Variants in EPS8 observed in about 807,000 individuals in gnomAD.
EPS8 encodes EGFR pathway substrate 8, signaling adaptor.
EPS8 carries 42 observed loss-of-function variants against 103.8 expected under a neutral mutation model. That is an observed-to-expected ratio of 0.40 (90% CI 0.32 to 0.52). The LOEUF is 0.52. Among genes scored for constraint, EPS8 ranks in the 20% least tolerant of loss-of-function variants. EPS8 has a pLI of 0.40. For synonymous variants in EPS8, 344 were observed against 344.6 expected (o/e 1.00, Z 0.02); for missense variants, 969 against 1,005.1 (o/e 0.96, Z 0.49).
At chr12:15,653,470 G>A (rs758196430) in intron 13 of EPS8, among the ~76,000 whole-genome samples, 14 of 152,086 alleles carry the variant, frequency 9.2e-5, no homozygotes, top group Admixed American at 5.2e-4. Flanking sequence ...GCTACCCGAA[G>A]TCCATATTCC....
intron 1 of EPS8, among the ~76,000 whole-genome samples, chr12:15,692,932 T>C (rs1419921909): frequency 6.6e-6 from 1 of 152,238 alleles, no homozygotes; most frequent in Non-Finnish European, 1.5e-5. Context: ...TCCATGATAA[T>C]ATTTTTAAGT....
intron 14 of EPS8, among the ~76,000 whole-genome samples, chr12:15,648,069 G>C (rs967535881): frequency 2.0e-5 from 3 of 152,198 alleles, no homozygotes; most frequent in African/African-American, 7.2e-5. Flanking sequence ...CATCTGACAG[G>C]AGATGGAGCT....
At chr12:15,705,315 A>G (rs1176113264) in intron 1 of EPS8, among the ~76,000 whole-genome samples, 2 of 152,254 alleles carry the variant, frequency 1.3e-5, no homozygotes, top group Non-Finnish European at 2.9e-5. Flanking sequence ...AAAATATTCA[A>G]TGATTTGTAA....
At position 15,781,150 on chromosome 12, in the gene EPS8, C is replaced by T. The variant is rs923200310; in HGVS notation, c.-22+8011G>A. ...AAAGATCCTCATTCTTTAAAACAAC[C>T]GTGTTCCATCACCACATACCTCTGG... On this transcript the variant is annotated intron_variant, in intron 1 of 20. Transcript: ENST00000281172. The surrounding 1 kb of genome is among the most constrained non-coding windows in gnomAD (Gnocchi z 4.1). 2.0e-5 allele frequency among the ~76,000 whole-genome samples: 3 copies of T among 152,164 alleles called. No homozygotes were observed. The highest frequency in any genetic ancestry group is 2.1e-4 in the South Asian group (1 of 4,834).
intron 1 of EPS8, among the ~76,000 whole-genome samples, chr12:15,758,063 GAT>G (rs1479239400): frequency 6.6e-6 from 1 of 152,164 alleles, no homozygotes; most frequent in Non-Finnish European, 1.5e-5. Flanking sequence ...CTCACAGTGT[GAT>G]GACTAAGTCC....
At position 15,759,218 on chromosome 12, in the gene EPS8, A is replaced by G. The variant is rs1407719760; in HGVS notation, c.-22+29943T>C. On this transcript the variant is annotated intron_variant, in intron 1 of 20. Transcript: ENST00000281172. The surrounding 1 kb of genome is among the most constrained non-coding windows in gnomAD (Gnocchi z 4.9). ...GCTATAATACACTAAAAATGCCTCA[A>G]AAAACATGTTTTGATTAACTGACTA... 6.6e-6 allele frequency among the ~76,000 whole-genome samples: 1 copy of G among 152,110 alleles called. No homozygotes were observed. The highest frequency in any genetic ancestry group is 1.5e-5 in the Non-Finnish European group (1 of 67,964).
rs552602087 is a variant in EPS8 at position 15,748,408 on chromosome 12, T to C, written c.-22+40753A>G. On this transcript the variant is annotated intron_variant, in intron 1 of 20. Coordinates refer to ENST00000281172, the MANE Select transcript of EPS8 (RefSeq NM_004447.6). The surrounding 1 kb of genome is among the most constrained non-coding windows in gnomAD (Gnocchi z 4.8). ...TGATGAGGATTAGAAAGGAAAGAAT[T>C]ATCCTCAATAATATCAATTTTCTAA... 3.9e-5 allele frequency among the ~76,000 whole-genome samples: 6 copies of C among 152,312 alleles called. No individual in the cohort carries two copies. In the South Asian group the frequency reaches 1.2e-3, roughly 32 times the overall value.
At position 15,757,465 on chromosome 12, in the gene EPS8, C is replaced by T. The variant is rs1159969737; in HGVS notation, c.-22+31696G>A. 6.6e-6 allele frequency among the ~76,000 whole-genome samples: 1 copy of T among 151,958 alleles called. No individual in the cohort carries two copies. Among genetic ancestry groups the T allele is most frequent in the Non-Finnish European group, 1.5e-5 (1 of 67,994 alleles). ...CCAACACGGTGAAACCTCATCTCTA[C>T]TAAAAAATACAAAAATTAGCTAGGC... On this transcript the variant is annotated intron_variant, in intron 1 of 20. Transcript: ENST00000281172. The surrounding 1 kb of genome is among the most constrained non-coding windows in gnomAD (Gnocchi z 4.1).
intron 17 of EPS8, among the ~76,000 whole-genome samples, chr12:15,632,878 G>C (rs1945072783): frequency 1.3e-5 from 2 of 152,118 alleles, no homozygotes; most frequent in South Asian, 4.2e-4. Context: ...GTGTGGGAAG[G>C]AGCCCTCATT....
chr12:15,708,483 G>A (rs1054153733), intron 1 of EPS8, among the ~76,000 whole-genome samples: 10 of 152,190 alleles, frequency 6.6e-5, no homozygotes, highest in African/African-American at 2.4e-4. Flanking sequence ...TGAAATTGGA[G>A]GGGAAATTAT....
At chr12:15,621,671 A>G (rs1591794127) in intron 20 of EPS8, among the ~76,000 whole-genome samples, 1 of 152,222 alleles carries the variant, frequency 6.6e-6, no homozygotes, top group South Asian at 2.1e-4. Context: ...TGAACATGAT[A>G]AAGATAAATC....
intron 1 of EPS8, among the ~76,000 whole-genome samples, chr12:15,710,191 A>AT (rs1036885939): frequency 2.0e-5 from 3 of 152,182 alleles, no homozygotes; most frequent in African/African-American, 4.8e-5. Context: ...GAGGAAAGGC[A>AT]TTTTTTTAGA....
chr12:15,642,429 C>T (rs1192219564), intron 15 of EPS8, among the ~76,000 whole-genome samples: 1 of 152,050 alleles, frequency 6.6e-6, no homozygotes, highest in African/African-American at 2.4e-5. Flanking sequence ...ATTTAATTCA[C>T]TATAAACTTT....
At chr12:15,657,031 C>T (rs1269031039) in intron 12 of EPS8, among the ~76,000 whole-genome samples, 2 of 152,104 alleles carry the variant, frequency 1.3e-5, no homozygotes, top group South Asian at 2.1e-4. Flanking sequence ...ACATTATAGC[C>T]AGGGCAATCC....
In EPS8 at chr12:15,727,336, C is replaced by T. The variant is rs902759257; in HGVS notation, c.-21-44364G>A. Among the ~76,000 whole-genome samples, 13 of 152,286 alleles carry T rather than the reference C, an allele frequency of 8.5e-5. No homozygotes were observed. Among genetic ancestry groups the T allele is most frequent in the African/African-American group, 3.1e-4 (13 of 41,560 alleles). On this transcript the variant is annotated intron_variant, in intron 1 of 20. Coordinates refer to ENST00000281172, the MANE Select transcript of EPS8 (RefSeq NM_004447.6). The surrounding 1 kb of genome is among the most constrained non-coding windows in gnomAD (Gnocchi z 4.3). ...TCCCCAAGTAGATCTGACCATTTGG[C>T]ATATAGTATATATTTCTAAATCAAC...
intron 3 of EPS8, 42 bp from the exon 4 acceptor site, chr12:15,670,965 G>C (rs1444756557): frequency 6.9e-7 from 1 of 1,441,720 alleles, no homozygotes; most frequent in Non-Finnish European, 9.8e-7. Flanking sequence ...TCCCCTAATA[G>C]ACTGAAGTTC....
rs1946300634 is a variant in EPS8, at chr12:15,700,716, T to G, written c.-21-17744A>C. Among the ~76,000 whole-genome samples, 1 of 152,174 alleles carries G rather than the reference T, an allele frequency of 6.6e-6. No homozygotes were observed. Among genetic ancestry groups the G allele is most frequent in the Non-Finnish European group, 1.5e-5 (1 of 68,020 alleles). On this transcript the variant is annotated intron_variant, in intron 1 of 20. Coordinates refer to ENST00000281172, the MANE Select transcript of EPS8 (RefSeq NM_004447.6). The surrounding 1 kb of genome is among the most constrained non-coding windows in gnomAD (Gnocchi z 5.1). The stretch of plus-strand genomic sequence containing the variant: ...GAACTTTTGGTAAAAGCATGCCTAT[T>G]TATATCAAGGAGGTTCAAAACTGAC...
At chr12:15,679,500 C>A (rs913319560) in intron 3 of EPS8, among the ~76,000 whole-genome samples, 2 of 152,174 alleles carry the variant, frequency 1.3e-5, no homozygotes, top group African/African-American at 2.4e-5. Flanking sequence ...CTGAAGTGAA[C>A]AAGACAAATA....
At chr12:15,660,960 A>T (rs539833615) in intron 9 of EPS8, among the ~76,000 whole-genome samples, 1 of 152,340 alleles carries the variant, frequency 6.6e-6, no homozygotes, top group East Asian at 1.9e-4. Flanking sequence ...TTTCAATGTC[A>T]TCAAGGAAGC....
Sources: allele counts gnomAD v4.1 joint callset (sites outside exome capture counted in the v4.1 genomes callset), GRCh38; gene constraint gnomAD v4.1.1; non-coding constraint Gnocchi (gnomAD v3.1); transcripts MANE v1.5; gene names NCBI Gene and HGNC (gene_info 2026-07-23, HGNC 2026-07-21).